EPS15L1: variants seen among roughly 807,000 people sequenced by gnomAD.
The protein encoded by EPS15L1 is epidermal growth factor receptor pathway substrate 15 like 1, also known as epidermal growth factor receptor substrate 15-like 1.
In EPS15L1, 43 loss-of-function variants were observed where a neutral mutation model predicts 117.1. The observed-to-expected ratio is 0.37, with a 90% CI of 0.29 to 0.47. EPS15L1 has a LOEUF of 0.47. EPS15L1 is among the 20% of genes least tolerant of loss of function. EPS15L1 has a pLI of 0.99. For missense variants in EPS15L1, 981 were observed against 1,164.0 expected (o/e 0.84, Z 2.29); for synonymous variants, 459 against 470.5 (o/e 0.98, Z 0.32).
chr19:16,429,163 G>A (rs1339458362), intron 7 of EPS15L1, among the ~76,000 whole-genome samples: 1 of 152,094 alleles, frequency 6.6e-6, no homozygotes, highest in Non-Finnish European at 1.5e-5. Context: ...TGCATTCTCA[G>A]CTGGGCAGGG....
chr19:16,471,919 G>C lies in EPS15L1; in HGVS notation c.27C>G (p.Ser9=). ...AGGCCCGCCCGGCCCGTACCTGCTG[G>C]GAGAGGGGGATGAGCGGCGCCGCCA... MAAPLIPL[S]QQIPTGNSLY... The change falls in exon 1 of 24, where the codon TCC becomes TCG. Residue 9 remains serine (S), a synonymous_variant. Transcript: ENST00000455140. The surrounding 1 kb of genome is among the most constrained non-coding windows in gnomAD (Gnocchi z 4.8). 1 of 1,300,392 alleles carries C rather than the reference G, an allele frequency of 7.7e-7. No individual in the cohort carries two copies. Among genetic ancestry groups the C allele is most frequent in the Non-Finnish European group, 9.7e-7 (1 of 1,026,384 alleles). The allele number at this position is 1,300,392 out of a possible 1,614,324, so 80.6% of individuals were successfully genotyped here.
intron 7 of EPS15L1, 48 bp from the exon 8 acceptor site, chr19:16,428,809 T>C: frequency 8.1e-6 from 12 of 1,484,458 alleles, no homozygotes; most frequent in Non-Finnish European, 1.1e-5. Context: ...AAGGACTGGG[T>C]GAGAGTGAGA....
intron 1 of EPS15L1, among the ~76,000 whole-genome samples, chr19:16,442,895 C>A (rs1486786809): frequency 1.3e-5 from 2 of 152,204 alleles, no homozygotes; most frequent in African/African-American, 4.8e-5. Context: ...GGTCACGCAG[C>A]TAATCGGGGC....
In EPS15L1 at chr19:16,437,845, T is replaced by C. The variant is rs776019025; in HGVS notation, c.234A>G (p.Arg78=). ...GGCCACTCTGTGCACAGGCCACCAG[T>C]CTCAGTGCAACATAGAAACCCTGCA... ...LDKQGFYVAL[R]LVACAQSGHE... Residue 78 remains arginine (R), a synonymous_variant, in exon 5 of 24, where the codon AGA becomes AGG. Coordinates refer to ENST00000455140, the MANE Select transcript of EPS15L1 (RefSeq NM_001258374.3). 8.1e-6 allele frequency: 13 copies of C among 1,613,676 alleles called. No individual in the cohort carries two copies. The highest frequency in any genetic ancestry group is 1.0e-5 in the Non-Finnish European group (12 of 1,179,872).
At chr19:16,408,919 G>A (rs190191783) in intron 13 of EPS15L1, among the ~76,000 whole-genome samples, 12 of 152,192 alleles carry the variant, frequency 7.9e-5, no homozygotes, top group South Asian at 2.1e-4. Context: ...GGAAAGAAGA[G>A]GCTCTTCAAC....
chr19:16,469,192 C>T (rs929105800), intron 1 of EPS15L1, among the ~76,000 whole-genome samples: 6 of 151,938 alleles, frequency 3.9e-5, no homozygotes, highest in Non-Finnish European at 8.8e-5. Context: ...CTCTAGAAGG[C>T]AGGTTTGAAG....
In EPS15L1 at chr19:16,383,212, A is replaced by G. The variant is rs1469318155; in HGVS notation, c.2247+1917T>C. ...ACTCTGTCCTGGCCCGGCACCGCCA[A>G]TAGGAAGTGAGACCGGCTCTGAAAT... On this transcript the variant is annotated intron_variant, in intron 21 of 23. Transcript: ENST00000455140. The surrounding 1 kb of genome is among the most constrained non-coding windows in gnomAD (Gnocchi z 5.2). 1 of 152,264 alleles carries G rather than the reference A, an allele frequency of 6.6e-6. No individual in the cohort carries two copies. The highest frequency in any genetic ancestry group is 6.5e-5 in the Admixed American group (1 of 15,290). 9.4% of individuals were successfully genotyped at this position (152,264 alleles called of 1,614,324 possible).
chr19:16,385,186 G>A lies in EPS15L1; in HGVS notation c.2190C>T (p.Phe730=), dbSNP rs145707581. 239 of 1,614,130 alleles carry A rather than the reference G, an allele frequency of 1.5e-4. 1 individual carries two copies. In the African/African-American group the frequency reaches 2.1e-3, roughly 14 times the overall value. The change falls in exon 21 of 24, where the codon TTC becomes TTT. Residue 730 remains phenylalanine (F), a synonymous_variant. Transcript: ENST00000455140. ...GSDPFGTLDP[F]GSGSFNSAEG... ...CAGCACTATTGAAGGACCCACTTCC[G>A]AAGGGATCTAAGGTTCCAAAGGGAT...
intron 12 of EPS15L1, among the ~76,000 whole-genome samples, chr19:16,415,108 A>T (rs899097592): frequency 6.6e-6 from 1 of 152,208 alleles, no homozygotes; most frequent in African/African-American, 2.4e-5. Flanking sequence ...AATTGATTAT[A>T]GGTGTGAGCC....
intron 22 of EPS15L1, among the ~76,000 whole-genome samples, chr19:16,364,969 G>A (rs1225139837): frequency 1.3e-5 from 2 of 152,254 alleles, no homozygotes; most frequent in Non-Finnish European, 2.9e-5. Flanking sequence ...TCCCGCTTGG[G>A]GATGACACCC....
At chr19:16,379,236 C>A (rs540545510) in intron 21 of EPS15L1, among the ~76,000 whole-genome samples, 1 of 152,076 alleles carries the variant, frequency 6.6e-6, no homozygotes, top group African/African-American at 2.4e-5. Flanking sequence ...ACCTGGGAGG[C>A]GGAGCTTGCA....
intron 13 of EPS15L1, among the ~76,000 whole-genome samples, chr19:16,408,616 C>T (rs941915166): frequency 1.3e-5 from 2 of 150,980 alleles, no homozygotes; most frequent in African/African-American, 2.4e-5. Flanking sequence ...GCCGAGATTG[C>T]GCCACTGCAC....
chr19:16,430,270 A>G (rs1292937233), intron 7 of EPS15L1, among the ~76,000 whole-genome samples: 1 of 152,192 alleles, frequency 6.6e-6, no homozygotes, highest in Non-Finnish European at 1.5e-5. Context: ...AACTGTGATT[A>G]TCAGGGATGC....
intron 13 of EPS15L1, among the ~76,000 whole-genome samples, chr19:16,406,269 G>T (rs980859741): frequency 6.6e-6 from 1 of 152,100 alleles, no homozygotes; most frequent in Non-Finnish European, 1.5e-5. Context: ...CCTGCCCCTG[G>T]CCTTTCACTT....
In EPS15L1 at chr19:16,454,856, A is replaced by G. The variant is rs573985080; in HGVS notation, c.34-12637T>C. On this transcript the variant is annotated intron_variant, in intron 1 of 23. Transcript: ENST00000455140. Reference sequence around the variant, plus strand: ...TTTAAGAGACAGCTCTGGGCCAGGCATGGTGGCTCACACCTGTAACCCCAG... The same window carrying G: ...TTTAAGAGACAGCTCTGGGCCAGGCGTGGTGGCTCACACCTGTAACCCCAG... 1.0e-3 allele frequency among the ~76,000 whole-genome samples: 158 copies of G among 151,152 alleles called. 2 individuals carry two copies. The highest frequency in any genetic ancestry group is 7.1e-3 in the South Asian group (34 of 4,796).
chr19:16,400,665 A>G, intron 16 of EPS15L1: 1 of 985,454 alleles, frequency 1.0e-6, no homozygotes, highest in South Asian at 4.7e-5. Flanking sequence ...CAACAGGATA[A>G]AAACAGTTTT....
At chr19:16,389,351 G>C (rs545792788) in intron 19 of EPS15L1, among the ~76,000 whole-genome samples, 1 of 152,136 alleles carries the variant, frequency 6.6e-6, no homozygotes, top group African/African-American at 2.4e-5. Flanking sequence ...CAACTTGGGA[G>C]GATGAGGTGG....
chr19:16,460,698 G>C (rs117956865), intron 1 of EPS15L1, among the ~76,000 whole-genome samples: 1 of 152,122 alleles, frequency 6.6e-6, no homozygotes, highest in Non-Finnish European at 1.5e-5. Flanking sequence ...CGGGGGTGCC[G>C]CGGGCACAGA....
chr19:16,428,480 A>G (rs1343274342), intron 8 of EPS15L1, among the ~76,000 whole-genome samples: 1 of 94,022 alleles, frequency 1.1e-5, no homozygotes, highest in Non-Finnish European at 2.0e-5. Flanking sequence ...AGAGAGGGAG[A>G]GAGGGAGGGA....
Sources: allele counts gnomAD v4.1 joint callset (sites outside exome capture counted in the v4.1 genomes callset), GRCh38; gene constraint gnomAD v4.1.1; non-coding constraint Gnocchi (gnomAD v3.1); transcripts MANE v1.5; gene names NCBI Gene and HGNC (gene_info 2026-07-23, HGNC 2026-07-21).